Variants in GRM1 observed in about 807,000 individuals in gnomAD.
GRM1 encodes metabotropic glutamate receptor 1.
In GRM1, 33 loss-of-function variants were observed where a neutral mutation model predicts 90.9. The observed-to-expected ratio is 0.36, with a 90% CI of 0.28 to 0.49. The LOEUF (loss-of-function observed/expected upper bound fraction) is 0.49. GRM1 is among the 20% of genes least tolerant of loss of function. The pLI is 0.99. For missense variants in GRM1, 1,190 were observed against 1,534.3 expected, an observed-to-expected ratio of 0.78 and a Z score of 3.75; for synonymous variants, 700 against 613.2, an observed-to-expected ratio of 1.14 and a Z score of -2.09.
chr6:146,199,932 G>A (rs1426602243), intron 2 of GRM1, among the ~76,000 whole-genome samples: 3 of 152,268 alleles, frequency 2.0e-5, no homozygotes, highest in African/African-American at 4.8e-5. Flanking sequence ...CAGGAGAATC[G>A]CTTGAACCTG....
intron 2 of GRM1, among the ~76,000 whole-genome samples, chr6:146,213,221 T>G (rs1457739922): frequency 6.6e-6 from 1 of 152,012 alleles, no homozygotes; most frequent in Non-Finnish European, 1.5e-5. Flanking sequence ...TGAGATAGCA[T>G]GATGGATTAT....
chr6:146,060,374 T>C (rs1440969689), intron 1 of GRM1, among the ~76,000 whole-genome samples: 2 of 151,878 alleles, frequency 1.3e-5, no homozygotes, highest in Non-Finnish European at 2.9e-5. Context: ...ACCCAACAGG[T>C]AGTCTTTTGA....
At chr6:146,288,994 A>G (rs1030765209) in intron 2 of GRM1, among the ~76,000 whole-genome samples, 1 of 152,212 alleles carries the variant, frequency 6.6e-6, no homozygotes, top group Non-Finnish European at 1.5e-5. Context: ...ATAAAAGTGT[A>G]ACACTTATAA....
chr6:146,162,201 G>A (rs1304979975), intron 2 of GRM1, among the ~76,000 whole-genome samples: 1 of 152,112 alleles, frequency 6.6e-6, no homozygotes, highest in Admixed American at 6.5e-5. Flanking sequence ...CGTAACACAC[G>A]GTATGATTCT....
At chr6:146,364,159 G>T (rs138757139) in intron 5 of GRM1, among the ~76,000 whole-genome samples, 75 of 152,274 alleles carry the variant, frequency 4.9e-4, no homozygotes, top group Admixed American at 1.2e-3. Flanking sequence ...AGAGTTTAAA[G>T]TGTGTCACAT....
At chr6:146,192,146 A>G (rs1778954272) in intron 2 of GRM1, among the ~76,000 whole-genome samples, 1 of 152,328 alleles carries the variant, frequency 6.6e-6, no homozygotes, top group Middle Eastern at 3.4e-3. Context: ...CTTATTGAAA[A>G]GGGGAAAGTC....
At chr6:146,227,775 A>G (rs963982774) in intron 2 of GRM1, among the ~76,000 whole-genome samples, 16 of 152,314 alleles carry the variant, frequency 1.1e-4, no homozygotes, top group Admixed American at 8.5e-4. Context: ...AAGGGAAAGC[A>G]TATAATGCAG....
In GRM1 at chr6:146,430,926, G is replaced by A. The variant is rs1778384519; in HGVS notation, c.2661-2946G>A. ...ATACATTTAAAAACAGCAGTGCATT[G>A]TCTACAAATACATAATATTTATTCA... On this transcript the variant is annotated intron_variant, in intron 7 of 7. Transcript: ENST00000282753. Among the ~76,000 whole-genome samples the A allele has an allele frequency of 2.6e-5, 4 of 152,248 alleles. No individual in the cohort carries two copies. The South Asian group carries it at 8.3e-4, about 32-fold the overall frequency.
At chr6:146,292,918 T>A (rs1783040174) in intron 2 of GRM1, among the ~76,000 whole-genome samples, 1 of 151,988 alleles carries the variant, frequency 6.6e-6, no homozygotes, top group Admixed American at 6.6e-5. Flanking sequence ...ACTGATACGA[T>A]GTAATACTAT....
intron 1 of GRM1, among the ~76,000 whole-genome samples, chr6:146,043,417 G>T (rs1221993303): frequency 1.3e-5 from 2 of 152,032 alleles, no homozygotes; most frequent in East Asian, 3.9e-4. Context: ...TCAGAACAGG[G>T]ATTAAAAATT....
intron 2 of GRM1, among the ~76,000 whole-genome samples, chr6:146,166,052 G>T (rs1562503980): frequency 1.3e-5 from 2 of 152,050 alleles, no homozygotes. Context: ...TACCCAATTT[G>T]AATAGACGGA....
At chr6:146,427,855 C>G (rs1037148603) in intron 7 of GRM1, among the ~76,000 whole-genome samples, 2 of 152,088 alleles carry the variant, frequency 1.3e-5, no homozygotes, top group African/African-American at 4.8e-5. Flanking sequence ...AAGGACACAG[C>G]AAGGAGATTC....
In GRM1 at chr6:146,436,214, A is replaced by G. The variant is rs1278028592; in HGVS notation, c.*1418A>G. On this transcript the variant is annotated 3_prime_UTR_variant, in exon 8 of 8. Transcript: ENST00000282753. ...ACAGAAGCTCTTTGACGGTTTGAAT[A>G]CTATGGCTCAAGGTTTTCATATGCA... 1 of 152,450 alleles carries G rather than the reference A, an allele frequency of 6.6e-6. No homozygotes were observed. Among genetic ancestry groups the G allele is most frequent in the Non-Finnish European group, 1.5e-5 (1 of 68,044 alleles). 9.4% of individuals were successfully genotyped at this position (152,450 alleles called of 1,614,324 possible). A position where few individuals can be genotyped will look rare whatever the true frequency, so the allele number is the denominator to read the frequency against.
At position 146,054,744 on chromosome 6, in the gene GRM1, C is replaced by T. The variant is rs6939005; in HGVS notation, c.700+24527C>T. ...ATTTTTATATTTGTTTTTTAATGCT[C>T]TACCAGAAATGTTTTATAGAAAGAA... On this transcript the variant is annotated intron_variant, in intron 1 of 7. Transcript: ENST00000282753. 3.9e-5 allele frequency among the ~76,000 whole-genome samples: 6 copies of T among 152,180 alleles called. No individual in the cohort carries two copies. The East Asian group carries it at 7.7e-4, about 20-fold the overall frequency.
At chr6:146,174,495 A>G (rs1269913577) in intron 2 of GRM1, among the ~76,000 whole-genome samples, 3 of 152,228 alleles carry the variant, frequency 2.0e-5, no homozygotes, top group African/African-American at 7.2e-5. Flanking sequence ...GTAAAGAGGT[A>G]TACTGTGTGT....
At chr6:146,102,416 CT>C (rs1163551829) in intron 1 of GRM1, among the ~76,000 whole-genome samples, 1 of 152,216 alleles carries the variant, frequency 6.6e-6, no homozygotes, top group Admixed American at 6.5e-5. Context: ...GCTCATAAAT[CT>C]TTTTCTCCTA....
chr6:146,099,669 G>C (rs1035760414), intron 1 of GRM1, among the ~76,000 whole-genome samples: 2 of 152,026 alleles, frequency 1.3e-5, no homozygotes, highest in African/African-American at 4.8e-5. Context: ...TTCTTTTGTG[G>C]CTTGTTTTTC....
chr6:146,372,814 T>G (rs1055793930), intron 5 of GRM1, among the ~76,000 whole-genome samples: 2 of 152,106 alleles, frequency 1.3e-5, no homozygotes, highest in Admixed American at 6.6e-5. Flanking sequence ...GATGAATTGG[T>G]CTATGTGCCT....
At chr6:146,281,601 A>AT (rs1583269581) in intron 2 of GRM1, among the ~76,000 whole-genome samples, 1 of 152,302 alleles carries the variant, frequency 6.6e-6, no homozygotes, top group Admixed American at 6.5e-5. Flanking sequence ...GGCTATATTC[A>AT]TTTTTTATGT....
Sources: gnomAD v4.1 joint callset for allele counts (sites outside exome capture counted in the v4.1 genomes callset) on GRCh38, gnomAD v4.1.1 for gene constraint, MANE v1.5 for transcripts, NCBI Gene and HGNC (gene_info 2026-07-23, HGNC 2026-07-21) for gene names.